Variants in CDH23 observed in about 807,000 individuals in gnomAD.
CDH23 encodes the protein cadherin-23.
Under a neutral mutation model 317.1 loss-of-function variants are expected in CDH23, and 189 were observed. That is an observed-to-expected ratio of 0.60 (90% CI 0.53 to 0.67). The LOEUF (loss-of-function observed/expected upper bound fraction) is 0.67, where lower values mean the gene tolerates loss of function less well. Among genes scored for constraint, CDH23 ranks in the 30% least tolerant of loss-of-function variants. The pLI, the probability that CDH23 is intolerant of heterozygous loss-of-function variation, is 0.00. For missense variants in CDH23, 4,401 were observed against 4,592.4 expected (o/e 0.96, Z 1.20); for synonymous variants, 1,839 against 1,876.8 (o/e 0.98, Z 0.52).
At chr10:71,679,280 AG>A in intron 16 of CDH23, 106 bp from the exon 17 acceptor site, 1 of 807,172 alleles carries the variant, frequency 1.2e-6, no homozygotes, top group Non-Finnish European at 2.1e-6. Context: ...CACCCAAAAA[AG>A]GAGCTGTGAA....
At chr10:71,752,475 A>G (rs899677188) in intron 38 of CDH23, among the ~76,000 whole-genome samples, 2 of 152,164 alleles carry the variant, frequency 1.3e-5, no homozygotes, top group African/African-American at 2.4e-5. Context: ...GCTGCATGGC[A>G]GCTTCCTGCC....
intron 6 of CDH23, among the ~76,000 whole-genome samples, chr10:71,549,793 G>A (rs144505569): frequency 1.8e-4 from 28 of 152,286 alleles, no homozygotes; most frequent in African/African-American, 5.8e-4. Flanking sequence ...AAGCGAAAAC[G>A]GTCTTGACTG....
At chr10:71,414,819 C>T (rs1324447981) in intron 1 of CDH23, among the ~76,000 whole-genome samples, 1 of 152,082 alleles carries the variant, frequency 6.6e-6, no homozygotes, top group Admixed American at 6.6e-5. Flanking sequence ...ATGGAGAAGC[C>T]ATGTGAGGTT....
intron 6 of CDH23, among the ~76,000 whole-genome samples, chr10:71,519,284 G>A (rs1015227264): frequency 1.3e-5 from 2 of 152,206 alleles, no homozygotes; most frequent in African/African-American, 4.8e-5. Flanking sequence ...GATGATAGCT[G>A]CCTGCTAGTT....
chr10:71,564,282 CG>C (rs1267600113), intron 6 of CDH23, among the ~76,000 whole-genome samples: 4 of 152,302 alleles, frequency 2.6e-5, no homozygotes, highest in Admixed American at 2.6e-4. Flanking sequence ...TGCTGATGAG[CG>C]CCCCTCCTTC....
Position 71,645,906 on chromosome 10 carries a change from C to G in CDH23, c.1216C>G (p.Gln406Glu). 1 of 1,613,668 alleles carries G rather than the reference C, an allele frequency of 6.2e-7. No homozygotes were observed. Among genetic ancestry groups the G allele is most frequent in the Non-Finnish European group, 8.5e-7 (1 of 1,179,706 alleles). ...HHFIISPTSV[Q>E]GKADIRIRVA... ...CTTCATCATCTCCCCGACCTCCGTC[C>G]AGGGGAAGGCGGACATTCGTATTCG... Residue 406 changes from glutamine (Q) to glutamate (E), a missense_variant, in exon 13 of 70, where the codon CAG becomes GAG. Coordinates refer to ENST00000224721, the MANE Select transcript of CDH23 (RefSeq NM_022124.6).
At chr10:71,694,715 G>T (rs1200756836) in intron 21 of CDH23, among the ~76,000 whole-genome samples, 1 of 152,128 alleles carries the variant, frequency 6.6e-6, no homozygotes. Flanking sequence ...AACGAAACGT[G>T]GGGGCCTCGA....
In CDH23 at chr10:71,812,543, T is replaced by C. The variant is rs776395158; in HGVS notation, c.9444T>C (p.His3148=). Residue 3148 remains histidine (H), a synonymous_variant, in exon 67 of 70, where the codon CAT becomes CAC. Coordinates refer to ENST00000224721, the MANE Select transcript of CDH23 (RefSeq NM_022124.6). ...TGGAGCTGGCCGCCCAGGCGGAGCA[T>C]GAGGATGACCTACCGGAGAACCTGA... is the stretch of plus-strand genomic sequence containing the variant. ...RNLELAAQAE[H]EDDLPENLSE... 3.8e-6 allele frequency: 6 copies of C among 1,585,374 alleles called. No homozygotes were observed. The highest frequency in any genetic ancestry group is 4.3e-6 in the Non-Finnish European group (5 of 1,161,276).
At chr10:71,573,925 C>T (rs1361964974) in intron 8 of CDH23, among the ~76,000 whole-genome samples, 1 of 152,250 alleles carries the variant, frequency 6.6e-6, no homozygotes, top group Non-Finnish European at 1.5e-5. Flanking sequence ...GAGCCTCTCT[C>T]CTGCAGGCCG....
At chr10:71,725,272 G>A (rs1866754005) in intron 29 of CDH23, 100 bp from the exon 30 acceptor site, 3 of 1,558,974 alleles carry the variant, frequency 1.9e-6, no homozygotes, top group South Asian at 1.1e-5. Flanking sequence ...TCCTCACAAG[G>A]AGGGGACTGG....
At chr10:71,769,399 A>G (rs1485501178) in intron 38 of CDH23, among the ~76,000 whole-genome samples, 2 of 152,254 alleles carry the variant, frequency 1.3e-5, no homozygotes, top group African/African-American at 2.4e-5. Context: ...ATTTATGACA[A>G]GTGATACTGG....
chr10:71,619,460 C>A (rs1861360026), intron 11 of CDH23, among the ~76,000 whole-genome samples: 1 of 152,212 alleles, frequency 6.6e-6, no homozygotes, highest in Admixed American at 6.5e-5. Context: ...AGGGCAGGCA[C>A]CTCCTTTTGG....
chr10:71,446,554 G>A (rs1047443844), intron 3 of CDH23, among the ~76,000 whole-genome samples, 159 bp downstream of exon 3: 4 of 152,130 alleles, frequency 2.6e-5, no homozygotes, highest in Non-Finnish European at 5.9e-5. Flanking sequence ...CCAGGGACAG[G>A]GCACTCAGTC....
chr10:71,628,002 C>A (rs1462346436), intron 11 of CDH23, among the ~76,000 whole-genome samples: 1 of 152,206 alleles, frequency 6.6e-6, no homozygotes, highest in African/African-American at 2.4e-5. Context: ...ACCCTGGAAC[C>A]TCCCATACTC....
At chr10:71,518,113 G>A (rs1246656099) in intron 6 of CDH23, among the ~76,000 whole-genome samples, 1 of 152,092 alleles carries the variant, frequency 6.6e-6, no homozygotes, top group African/African-American at 2.4e-5. Context: ...AATATCTTCT[G>A]TATCTCCTAG....
At chr10:71,525,135 G>A (rs896590701) in intron 6 of CDH23, among the ~76,000 whole-genome samples, 1 of 152,180 alleles carries the variant, frequency 6.6e-6, no homozygotes, top group African/African-American at 2.4e-5. Flanking sequence ...TTGAACTACT[G>A]ACTTCAAGTG....
chr10:71,708,562 C>T (rs866741140), intron 26 of CDH23, among the ~76,000 whole-genome samples: 1 of 152,240 alleles, frequency 6.6e-6, no homozygotes, highest in East Asian at 1.9e-4. Flanking sequence ...CCTGCCTTGA[C>T]TCCTCCCTCT....
chr10:71,704,604 G>A (rs1865709501), intron 24 of CDH23, among the ~76,000 whole-genome samples: 1 of 152,154 alleles, frequency 6.6e-6, no homozygotes, highest in Non-Finnish European at 1.5e-5. Context: ...TCCTAATGGG[G>A]AGAGCAGGGG....
intron 1 of CDH23, among the ~76,000 whole-genome samples, chr10:71,405,432 CTTTTT>C (rs397824446): frequency 7.7e-6 from 1 of 130,664 alleles, no homozygotes. Context: ...GGTAGACTAT[CTTTTT>C]TTTTTTTTTT....
Sources: gnomAD v4.1 joint callset for allele counts (sites outside exome capture counted in the v4.1 genomes callset) on GRCh38, gnomAD v4.1.1 for gene constraint, MANE v1.5 for transcripts, NCBI Gene and HGNC (gene_info 2026-07-23, HGNC 2026-07-21) for gene names.